The following UGT1A10 variants were observed in gnomAD, a reference collection of about 807,000 sequenced individuals.
The protein encoded by UGT1A10 is UDP glucuronosyltransferase family 1 member A10.
Under a neutral mutation model 45.8 loss-of-function variants are expected in UGT1A10, and 49 were observed. That is an observed-to-expected ratio of 1.07 (90% confidence interval 0.85 to 1.36). The LOEUF (loss-of-function observed/expected upper bound fraction) is 1.36. Among genes scored for constraint, UGT1A10 ranks in the 40% most tolerant of loss-of-function variants. UGT1A10 has a pLI of 0.00. For synonymous variants in UGT1A10, 284 were observed against 249.7 expected (o/e 1.14, Z -1.29); for missense variants, 745 against 668.6 (o/e 1.11, Z -1.26).
intron 1 of UGT1A10, chr2:233,741,799 G>C (rs1253457401): frequency 6.6e-6 from 1 of 151,906 alleles, no homozygotes; most frequent in Non-Finnish European, 1.5e-5. Flanking sequence ...TTACCAGCAT[G>C]CTGCTCTTAA....
At position 233,715,255 on chromosome 2, in the gene UGT1A10, T is replaced by A. The variant is rs575259071; in HGVS notation, c.856-51779T>A. Among the ~76,000 whole-genome samples, 42 of 152,302 alleles carry A rather than the reference T, an allele frequency of 2.8e-4. 1 individual carries two copies. Among genetic ancestry groups the A allele is most frequent in the African/African-American group, 1.0e-3 (42 of 41,564 alleles). On this transcript the variant is annotated intron_variant, in intron 1 of 4. Transcript: ENST00000344644. ...TCTGTGAAGGATGTCTTTTAAAAAA[T>A]CCCCTTACATAACAAATTCTCCTCC...
intron 1 of UGT1A10, among the ~76,000 whole-genome samples, chr2:233,694,371 G>C (rs1001600534): frequency 6.6e-6 from 1 of 151,494 alleles, no homozygotes; most frequent in Non-Finnish European, 1.5e-5. Context: ...GGTTTTTGTA[G>C]TTTTAAAACA....
chr2:233,720,410 G>T (rs537588442), intron 1 of UGT1A10, among the ~76,000 whole-genome samples: 1 of 152,200 alleles, frequency 6.6e-6, no homozygotes, highest in South Asian at 2.1e-4. Flanking sequence ...GGGTGGAAGG[G>T]ACTAGGGAGG....
chr2:233,701,248 C>G (rs1368888043), intron 1 of UGT1A10, among the ~76,000 whole-genome samples: 3 of 152,042 alleles, frequency 2.0e-5, no homozygotes, highest in African/African-American at 7.3e-5. Context: ...AATGAGATGG[C>G]TGGGTCAAAT....
chr2:233,742,362 A>G (rs536204491), intron 1 of UGT1A10, among the ~76,000 whole-genome samples: 1 of 152,110 alleles, frequency 6.6e-6, no homozygotes, highest in South Asian at 2.1e-4. Context: ...TGCAGCAGAA[A>G]CATGTCCTTA....
At chr2:233,662,816 A>C (rs1177321663) in intron 1 of UGT1A10, among the ~76,000 whole-genome samples, 1 of 110,870 alleles carries the variant, frequency 9.0e-6, no homozygotes, top group African/African-American at 3.8e-5. Context: ...GTTTGCTGAG[A>C]GTTTTTTTTT....
At chr2:233,667,039 C>T (rs1438691196) in intron 1 of UGT1A10, among the ~76,000 whole-genome samples, 1 of 152,102 alleles carries the variant, frequency 6.6e-6, no homozygotes, top group Non-Finnish European at 1.5e-5. Context: ...TTTCTTAATC[C>T]AGTCTATCAT....
intron 1 of UGT1A10, among the ~76,000 whole-genome samples, chr2:233,680,798 C>T (rs978800413): frequency 5.9e-5 from 9 of 152,222 alleles, no homozygotes; most frequent in African/African-American, 2.2e-4. Context: ...GGGCCCATAG[C>T]AAAGGCCTGC....
intron 1 of UGT1A10, chr2:233,690,611 C>T (rs1192980104): frequency 5.4e-6 from 7 of 1,289,328 alleles, no homozygotes; most frequent in Non-Finnish European, 7.1e-6. Context: ...TCGGCCTTTG[C>T]CTGGACACTC....
intron 1 of UGT1A10, chr2:233,713,276 TCA>T: frequency 6.2e-7 from 1 of 1,614,224 alleles, no homozygotes; most frequent in Non-Finnish European, 8.5e-7. Context: ...TTTTGCTGGG[TCA>T]CACTCAATCG....
chr2:233,726,550 A>C (rs1388037540), intron 1 of UGT1A10, among the ~76,000 whole-genome samples: 1 of 152,162 alleles, frequency 6.6e-6, no homozygotes, highest in Non-Finnish European at 1.5e-5. Context: ...CAGCGTCTTC[A>C]AGTCTCCCAC....
At chr2:233,691,202 G>C in intron 1 of UGT1A10, 1 of 985,608 alleles carries the variant, frequency 1.0e-6, no homozygotes, top group Non-Finnish European at 1.2e-6. Context: ...CCTGAGCTCT[G>C]TTCCCTTTGC....
chr2:233,688,373 T>C (rs1414345723), intron 1 of UGT1A10, among the ~76,000 whole-genome samples: 1 of 152,242 alleles, frequency 6.6e-6, no homozygotes, highest in Admixed American at 6.5e-5. Flanking sequence ...TTGTGAACAT[T>C]TGTATACGAT....
At chr2:233,700,807 G>T (rs934184744) in intron 1 of UGT1A10, among the ~76,000 whole-genome samples, 3 of 151,808 alleles carry the variant, frequency 2.0e-5, no homozygotes, top group East Asian at 3.9e-4. Flanking sequence ...GTGCCATGTT[G>T]GTGTGCTGCA....
At chr2:233,713,833 G>A in intron 1 of UGT1A10, 11 of 1,614,060 alleles carry the variant, frequency 6.8e-6, no homozygotes, top group Non-Finnish European at 9.3e-6. Context: ...GGCATCAACT[G>A]TGCCAACGGG....
intron 1 of UGT1A10, among the ~76,000 whole-genome samples, chr2:233,642,335 T>A (rs1439913017): frequency 6.6e-6 from 1 of 152,228 alleles, no homozygotes; most frequent in Admixed American, 6.5e-5. Flanking sequence ...ATTGCATTTT[T>A]CAGCTCCAGA....
intron 1 of UGT1A10, chr2:233,693,831 G>T: frequency 1.2e-6 from 2 of 1,614,178 alleles, no homozygotes; most frequent in Non-Finnish European, 1.7e-6. Context: ...TTCATTGGAG[G>T]TATCAACTGT....
At chr2:233,720,108 G>A (rs372349841) in intron 1 of UGT1A10, among the ~76,000 whole-genome samples, 4 of 152,142 alleles carry the variant, frequency 2.6e-5, no homozygotes, top group South Asian at 4.2e-4. Flanking sequence ...CCCATCTTGC[G>A]AAAGATACAG....
intron 1 of UGT1A10, among the ~76,000 whole-genome samples, chr2:233,710,055 G>A (rs2076107757): frequency 6.6e-6 from 1 of 152,172 alleles, no homozygotes; most frequent in Non-Finnish European, 1.5e-5. Context: ...CTTTGGCTCG[G>A]CATAATGTCT....
Sources: allele counts gnomAD v4.1 joint callset (sites outside exome capture counted in the v4.1 genomes callset), GRCh38; gene constraint gnomAD v4.1.1; transcripts MANE v1.5; gene names NCBI Gene and HGNC (gene_info 2026-07-23, HGNC 2026-07-21).